Variants in ARHGAP10 observed in about 807,000 individuals in gnomAD.
ARHGAP10 encodes Rho GTPase activating protein 10, also known as rho GTPase-activating protein 10.
In ARHGAP10, 87 loss-of-function variants were observed where a neutral mutation model predicts 108.6. The ratio of observed to expected loss-of-function variants is 0.80; its 90% CI spans 0.67 to 0.96. ARHGAP10 has a LOEUF of 0.96. Ranked by LOEUF, ARHGAP10 falls within the 40% of genes least tolerant of loss-of-function variation. The pLI is 0.00. For synonymous variants in ARHGAP10, 347 were observed against 341.1 expected (o/e 1.02, Z -0.19); for missense variants, 939 against 954.5 (o/e 0.98, Z 0.21).
At chr4:148,032,758 G>A (rs1728209766) in intron 19 of ARHGAP10, among the ~76,000 whole-genome samples, 2 of 152,184 alleles carry the variant, frequency 1.3e-5, no homozygotes, top group Non-Finnish European at 2.9e-5. Flanking sequence ...GAAGCTGACA[G>A]TGCAGCCTTC....
At chr4:147,769,762 A>G (rs7673234) in intron 1 of ARHGAP10, among the ~76,000 whole-genome samples, 113,258 of 152,126 alleles carry the variant, frequency 0.74, 48,082 homozygotes, top group Non-Finnish European at 0.93. Context: ...AACTTTTCAG[A>G]TAAGAAACTA....
At chr4:147,816,138 C>T (rs1457597424) in intron 1 of ARHGAP10, among the ~76,000 whole-genome samples, 1 of 152,094 alleles carries the variant, frequency 6.6e-6, no homozygotes, top group Non-Finnish European at 1.5e-5. Flanking sequence ...CGTCCTATCT[C>T]CCATCCTGAT....
intron 18 of ARHGAP10, among the ~76,000 whole-genome samples, chr4:147,978,557 C>G (rs1004566633): frequency 6.6e-6 from 1 of 152,094 alleles, no homozygotes; most frequent in Non-Finnish European, 1.5e-5. Flanking sequence ...TGTGGCACTT[C>G]CCCCCTTGCT....
intron 13 of ARHGAP10, among the ~76,000 whole-genome samples, chr4:147,917,792 A>T (rs1737051178): frequency 6.6e-6 from 1 of 152,198 alleles, no homozygotes; most frequent in Non-Finnish European, 1.5e-5. Context: ...GTTTTTGATC[A>T]TGAAAATAAA....
chr4:148,068,707 G>A (rs1486475274), intron 22 of ARHGAP10, among the ~76,000 whole-genome samples: 1 of 152,226 alleles, frequency 6.6e-6, no homozygotes, highest in Non-Finnish European at 1.5e-5. Context: ...AGATAGGACA[G>A]AGCCCAGGAC....
chr4:147,855,176 T>G (rs754259761), intron 4 of ARHGAP10, among the ~76,000 whole-genome samples: 1 of 152,074 alleles, frequency 6.6e-6, no homozygotes, highest in African/African-American at 2.4e-5. Context: ...TGTCTTTTGT[T>G]TAAGTCTGAG....
chr4:148,066,755 G>A (rs1266142439), intron 22 of ARHGAP10, among the ~76,000 whole-genome samples: 1 of 152,226 alleles, frequency 6.6e-6, no homozygotes, highest in South Asian at 2.1e-4. Flanking sequence ...TTAGGACTCT[G>A]TGCAGCTGAT....
At chr4:147,933,227 A>AT (rs34566906) in intron 13 of ARHGAP10, among the ~76,000 whole-genome samples, 4 of 152,060 alleles carry the variant, frequency 2.6e-5, no homozygotes, top group Non-Finnish European at 5.9e-5. Context: ...AAAATTGTTT[A>AT]TTTTTTTAGG....
intron 1 of ARHGAP10, among the ~76,000 whole-genome samples, chr4:147,791,548 G>C (rs751939303): frequency 6.6e-6 from 1 of 151,126 alleles, no homozygotes; most frequent in Non-Finnish European, 1.5e-5. Context: ...GCGCGTGCGT[G>C]CGCGCGTGTA....
At chr4:147,880,423 G>C (rs970149903) in intron 9 of ARHGAP10, among the ~76,000 whole-genome samples, 1 of 152,182 alleles carries the variant, frequency 6.6e-6, no homozygotes, top group Non-Finnish European at 1.5e-5. Flanking sequence ...AGGAAGTGAG[G>C]AGATGGCTCT....
chr4:147,826,725 G>C (rs1732724204), intron 3 of ARHGAP10, among the ~76,000 whole-genome samples: 1 of 152,074 alleles, frequency 6.6e-6, no homozygotes, highest in Non-Finnish European at 1.5e-5. Flanking sequence ...TTGACAGAAA[G>C]CCCAGTTTCA....
intron 18 of ARHGAP10, among the ~76,000 whole-genome samples, chr4:147,973,983 A>G (rs1739504480): frequency 6.6e-6 from 1 of 152,184 alleles, no homozygotes; most frequent in Admixed American, 6.5e-5. Context: ...GATTGTGAAT[A>G]GTGCTGCAGT....
intron 1 of ARHGAP10, among the ~76,000 whole-genome samples, chr4:147,747,867 C>T (rs892449141): frequency 1.3e-5 from 2 of 152,074 alleles, no homozygotes; most frequent in African/African-American, 4.8e-5. Flanking sequence ...CTGGGAATTC[C>T]AGAGAATACT....
At chr4:148,023,077 T>C (rs1741630344) in intron 18 of ARHGAP10, 186 bp from the exon 19 acceptor site, 1 of 519,322 alleles carries the variant, frequency 1.9e-6, no homozygotes. Flanking sequence ...AGAGATTTTA[T>C]TTTGGAATCT....
At chr4:147,823,967 A>G (rs1732604524) in intron 3 of ARHGAP10, among the ~76,000 whole-genome samples, 1 of 152,104 alleles carries the variant, frequency 6.6e-6, no homozygotes, top group East Asian at 1.9e-4. Context: ...TTACAGCAGA[A>G]TTGCTACCAG....
intron 1 of ARHGAP10, among the ~76,000 whole-genome samples, chr4:147,818,822 A>G (rs1205587734): frequency 1.3e-5 from 2 of 152,244 alleles, no homozygotes; most frequent in Admixed American, 6.5e-5. Flanking sequence ...TTTAAAATGT[A>G]TAAAGTAATG....
At chr4:147,764,216 C>G (rs144207083) in intron 1 of ARHGAP10, among the ~76,000 whole-genome samples, 1 of 152,028 alleles carries the variant, frequency 6.6e-6, no homozygotes, top group South Asian at 2.1e-4. Flanking sequence ...GGGTATTGAT[C>G]GAGCTAATTT....
chr4:147,737,776 C>CCAG (rs1482933290), intron 1 of ARHGAP10, among the ~76,000 whole-genome samples: 2 of 152,078 alleles, frequency 1.3e-5, no homozygotes. Context: ...GGGTGGGGAC[C>CCAG]CAGACAGGCT....
chr4:148,022,488 A>G (rs559453911), intron 18 of ARHGAP10, among the ~76,000 whole-genome samples: 13 of 152,324 alleles, frequency 8.5e-5, no homozygotes, highest in African/African-American at 3.1e-4. Context: ...AAGCCTCTGA[A>G]CTGGGGTCTC....
Sources: allele counts gnomAD v4.1 joint callset (sites outside exome capture counted in the v4.1 genomes callset), GRCh38; gene constraint gnomAD v4.1.1; transcripts MANE v1.5; gene names NCBI Gene and HGNC (gene_info 2026-07-23, HGNC 2026-07-21).